Variants in PAXIP1 observed in about 807,000 individuals in gnomAD.
PAXIP1 encodes the protein PAX interacting protein 1.
In PAXIP1, 19 loss-of-function variants were observed where a neutral mutation model predicts 140.6. The observed-to-expected ratio is 0.14, with a 90% CI of 0.09 to 0.20. PAXIP1 has a LOEUF of 0.20. Among genes scored for constraint, PAXIP1 ranks in the 10% least tolerant of loss-of-function variants. The pLI is 1.00. For missense variants in PAXIP1, 920 were observed against 1,208.6 expected (o/e 0.76, Z 3.54); for synonymous variants, 442 against 444.6 (o/e 0.99, Z 0.07).
intron 4 of PAXIP1, 85 bp downstream of exon 4, chr7:154,990,921 T>C: frequency 1.4e-6 from 1 of 715,850 alleles, no homozygotes; most frequent in Non-Finnish European, 2.3e-6. Context: ...TCTCTAAAAC[T>C]GGTTAACAGG....
chr7:154,946,484 A>G lies in PAXIP1; in HGVS notation c.3133+28T>C. On this transcript the variant is annotated intron_variant, in intron 19 of 20. Coordinates refer to ENST00000404141, the MANE Select transcript of PAXIP1 (RefSeq NM_007349.4). The surrounding 1 kb of genome is among the most constrained non-coding windows in gnomAD (Gnocchi z 4.9). ...GATCCACTGCTGTGCGTGCACACATACTCACACAGGTAAGCGGGGAAACGT... is the reference window on the plus strand; with the variant it reads ...GATCCACTGCTGTGCGTGCACACATGCTCACACAGGTAAGCGGGGAAACGT... 6.2e-7 allele frequency: 1 copy of G among 1,607,670 alleles called. No individual in the cohort carries two copies. Among genetic ancestry groups the G allele is most frequent in the Non-Finnish European group, 8.5e-7 (1 of 1,174,442 alleles).
At chr7:154,959,775 TCG>T in intron 13 of PAXIP1, 113 bp downstream of exon 13, 1 of 733,042 alleles carries the variant, frequency 1.4e-6, no homozygotes, top group Non-Finnish European at 2.4e-6. Flanking sequence ...AGTAGATAAT[TCG>T]TTATCATGTT....
At chr7:154,949,617 C>G (rs924966585) in intron 16 of PAXIP1, 10 of 152,132 alleles carry the variant, frequency 6.6e-5, no homozygotes, top group Admixed American at 6.5e-4. Context: ...AGAGAAAACA[C>G]CACCGGGCGC....
chr7:154,951,680 T>C (rs1025020247), intron 16 of PAXIP1: 2 of 152,180 alleles, frequency 1.3e-5, no homozygotes, highest in African/African-American at 4.8e-5. Flanking sequence ...TCCCATTAAA[T>C]AGGAACTGTA....
At chr7:154,961,225 A>C (rs1808741319) in intron 11 of PAXIP1, 148 bp from the exon 12 acceptor site, 2 of 670,496 alleles carry the variant, frequency 3.0e-6, no homozygotes, top group East Asian at 5.5e-5. Context: ...GGTGACCCTG[A>C]ATGGTAATGA....
chr7:154,962,641 C>T (rs1314287600), intron 9 of PAXIP1, 183 bp from the exon 10 acceptor site: 1 of 510,188 alleles, frequency 2.0e-6, no homozygotes, highest in Non-Finnish European at 3.4e-6. Flanking sequence ...TGAAATACAA[C>T]CTAAAAATGT....
In PAXIP1 at chr7:154,968,845, CTGT is replaced by C; in HGVS notation, c.1353_1355del (p.Gln457del). The C allele has an allele frequency of 2.6e-6, 2 of 765,050 alleles. No homozygotes were observed. The highest frequency in any genetic ancestry group is 5.3e-5 in the East Asian group (2 of 37,450). The allele number at this position is 765,050 out of a possible 1,614,324, so 47.4% of individuals were successfully genotyped here. A position where few individuals can be genotyped will look rare whatever the true frequency, so the allele number is the denominator to read the frequency against. ...GCGGATGGGCTTGCTGCTGCTGCTGCTGTTGCTGTGAAAATGGATGCGGCGGCT... is the reference window on the plus strand; with the variant it reads ...GCGGATGGGCTTGCTGCTGCTGCTGCTGCTGTGAAAATGGATGCGGCGGCT... On this transcript the variant is annotated inframe_deletion, in exon 7 of 21. Coordinates refer to ENST00000404141, the MANE Select transcript of PAXIP1 (RefSeq NM_007349.4).
rs1808005371 is a variant in PAXIP1 at position 154,946,869 on chromosome 7, G to A, written c.2923-56C>T. ...TTCTTAAAATGCTTTAATTTTTAGA[G>A]TACATAATTCTCATAGATTCTGCCC... On this transcript the variant is annotated intron_variant, in intron 17 of 20. Coordinates refer to ENST00000404141, the MANE Select transcript of PAXIP1 (RefSeq NM_007349.4). This position sits in a 1 kb window ranked among gnomAD's most constrained non-coding sequence, Gnocchi z 4.9. 7.5e-7 allele frequency: 1 copy of A among 1,329,110 alleles called. No homozygotes were observed. The highest frequency in any genetic ancestry group is 1.3e-5 in the South Asian group (1 of 74,606). The allele number at this position is 1,329,110 out of a possible 1,614,324, so 82.3% of individuals were successfully genotyped here.
chr7:154,944,395 C>G, intron 20 of PAXIP1: 1 of 412,958 alleles, frequency 2.4e-6, no homozygotes, highest in Non-Finnish European at 4.4e-6. Flanking sequence ...GCCAGCTCCG[C>G]AAGGTATCCA....
chr7:154,994,700 A>C (rs1408457207), intron 2 of PAXIP1, among the ~76,000 whole-genome samples: 7 of 152,202 alleles, frequency 4.6e-5, no homozygotes, highest in Non-Finnish European at 8.8e-5. Flanking sequence ...ATGACATCTA[A>C]AATTTTTCAG....
intron 2 of PAXIP1, among the ~76,000 whole-genome samples, chr7:154,997,809 T>C (rs1367999077): frequency 6.6e-6 from 1 of 152,208 alleles, no homozygotes; most frequent in Non-Finnish European, 1.5e-5. Flanking sequence ...ATTGTGACTC[T>C]TGTCAGAAAG....
Position 154,976,218 on chromosome 7 carries a change from A to G in PAXIP1, c.552T>C (p.Arg184=). Residue 184 remains arginine, a synonymous_variant, in exon 6 of 21, where the codon CGT becomes CGC. Coordinates refer to ENST00000404141, the MANE Select transcript of PAXIP1 (RefSeq NM_007349.4). Reference sequence around the variant, plus strand: ...CTTCTTCCTCTTCATAAATAATCAGACGAGGATGATAAAATGCTTCGTCCT... The same window carrying G: ...CTTCTTCCTCTTCATAAATAATCAGGCGAGGATGATAAAATGCTTCGTCCT... The part of the protein sequence containing the change: ...TKKDEAFYHP[R]LIIYEEEEEE... 1.2e-6 allele frequency: 2 copies of G among 1,613,598 alleles called. No homozygotes were observed. Among genetic ancestry groups the G allele is most frequent in the Middle Eastern group, 1.7e-4 (1 of 6,060 alleles).
Position 154,973,755 on chromosome 7 carries a change from T to C in PAXIP1, c.1074+1941A>G, listed in dbSNP as rs1276532232. ...TCAACATCACCTTATACCTACGCCA[T>C]ACTGAATTTCCCCACTTCATCAACA... On this transcript the variant is annotated intron_variant, in intron 6 of 20. Transcript: ENST00000404141. This position sits in a 1 kb window ranked among gnomAD's most constrained non-coding sequence, Gnocchi z 4.0. 6.6e-6 allele frequency among the ~76,000 whole-genome samples: 1 copy of C among 152,230 alleles called. No homozygotes were observed. Among genetic ancestry groups the C allele is most frequent in the Non-Finnish European group, 1.5e-5 (1 of 68,036 alleles).
chr7:154,976,479 G>A, intron 5 of PAXIP1, 148 bp from the exon 6 acceptor site: 1 of 1,145,436 alleles, frequency 8.7e-7, no homozygotes, highest in Non-Finnish European at 1.2e-6. Context: ...AGCAACGTTT[G>A]ATCTTTTAGA....
At chr7:154,988,591 A>G (rs1244432871) in intron 4 of PAXIP1, among the ~76,000 whole-genome samples, 1 of 152,194 alleles carries the variant, frequency 6.6e-6, no homozygotes, top group Admixed American at 6.5e-5. Flanking sequence ...ATCATCTTAT[A>G]CTCACATACT....
chr7:154,998,004 T>G (rs1005539749), intron 2 of PAXIP1, among the ~76,000 whole-genome samples: 1 of 152,222 alleles, frequency 6.6e-6, no homozygotes, highest in African/African-American at 2.4e-5. Context: ...GCATCAGATC[T>G]GTTTCCCATG....
At chr7:154,971,573 G>A (rs139157602) in intron 6 of PAXIP1, among the ~76,000 whole-genome samples, 3 of 152,334 alleles carry the variant, frequency 2.0e-5, no homozygotes, top group African/African-American at 7.2e-5. Flanking sequence ...CTGGAAACAT[G>A]TTAGTCCTGG....
intron 6 of PAXIP1, among the ~76,000 whole-genome samples, chr7:154,970,072 T>A (rs1057233580): frequency 6.6e-6 from 1 of 152,194 alleles, no homozygotes; most frequent in African/African-American, 2.4e-5. Flanking sequence ...GTTATTTTTT[T>A]AATATCCTAT....
At chr7:154,992,695 T>C (rs1810401911) in intron 3 of PAXIP1, among the ~76,000 whole-genome samples, 1 of 152,198 alleles carries the variant, frequency 6.6e-6, no homozygotes, top group Non-Finnish European at 1.5e-5. Context: ...CCAGTCTTTT[T>C]GACTTCTTAT....
Sources: gnomAD v4.1 joint callset for allele counts (sites outside exome capture counted in the v4.1 genomes callset) on GRCh38, gnomAD v4.1.1 for gene constraint, Gnocchi (gnomAD v3.1) non-coding constraint, MANE v1.5 for transcripts, NCBI Gene and HGNC (gene_info 2026-07-23, HGNC 2026-07-21) for gene names.